Variants in CREB5 observed in about 807,000 individuals in gnomAD.
CREB5 encodes the protein cyclic AMP-responsive element-binding protein 5.
CREB5 carries 19 observed loss-of-function variants against 57.1 expected under a neutral mutation model. The ratio of observed to expected loss-of-function variants is 0.33; its 90% CI spans 0.23 to 0.49. The LOEUF (loss-of-function observed/expected upper bound fraction) is 0.49, where lower values mean the gene tolerates loss of function less well. CREB5 is among the 20% of genes least tolerant of loss of function. CREB5 has a pLI of 0.99. For synonymous variants in CREB5, 238 were observed against 238.3 expected (o/e 1.00, Z 0.01); for missense variants, 579 against 671.6 (o/e 0.86, Z 1.52).
intron 5 of CREB5, among the ~76,000 whole-genome samples, chr7:28,597,633 G>A (rs777232099): frequency 3.8e-4 from 58 of 152,240 alleles, no homozygotes; most frequent in South Asian, 8.3e-4. Flanking sequence ...GATTGAGGTG[G>A]AATTAATGAT....
At chr7:28,655,587 C>T (rs1451459984) in intron 5 of CREB5, among the ~76,000 whole-genome samples, 2 of 152,038 alleles carry the variant, frequency 1.3e-5, no homozygotes, top group Non-Finnish European at 2.9e-5. Context: ...TGCACTCCAG[C>T]CTGAGTGACA....
intron 7 of CREB5, chr7:28,779,315 G>A (rs540154885): frequency 2.0e-5 from 3 of 152,328 alleles, no homozygotes; most frequent in South Asian, 4.1e-4. Context: ...CACAAAGGAA[G>A]TTCACAGTTT....
intron 5 of CREB5, among the ~76,000 whole-genome samples, chr7:28,612,344 G>A (rs1562527089): frequency 6.6e-6 from 1 of 151,792 alleles, no homozygotes; most frequent in Non-Finnish European, 1.5e-5. Context: ...TACAAGCCGT[G>A]GGTCTCTCAT....
intron 2 of CREB5, 63 bp from the exon 3 acceptor site, chr7:28,494,843 A>G: frequency 9.3e-7 from 1 of 1,074,410 alleles, no homozygotes; most frequent in East Asian, 2.6e-5. Context: ...ATAATGGTAA[A>G]TATGTTTTTT....
At chr7:28,597,309 C>T (rs33998128) in intron 5 of CREB5, among the ~76,000 whole-genome samples, 28,781 of 152,102 alleles carry the variant, frequency 0.19, 3,344 homozygotes, top group East Asian at 0.33. Context: ...CTCTCAGGAG[C>T]GACACAAGAG....
intron 4 of CREB5, among the ~76,000 whole-genome samples, chr7:28,542,912 A>G (rs1166894576): frequency 6.6e-6 from 1 of 152,190 alleles, no homozygotes; most frequent in East Asian, 1.9e-4. Flanking sequence ...CCCGTTCCAC[A>G]GTGGTCTCCA....
At chr7:28,435,424 T>C (rs1788921046) in intron 1 of CREB5, among the ~76,000 whole-genome samples, 1 of 144,694 alleles carries the variant, frequency 6.9e-6, no homozygotes, top group Admixed American at 7.2e-5. Flanking sequence ...TTTTGCATAC[T>C]GATAAGAGCT....
chr7:28,316,753 A>T (rs1194717424), intron 1 of CREB5, among the ~76,000 whole-genome samples: 2 of 152,154 alleles, frequency 1.3e-5, no homozygotes, highest in Non-Finnish European at 2.9e-5. Context: ...AGCATGATTG[A>T]GTCAACAGCT....
At chr7:28,409,761 G>A (rs1337586179), upstream of CREB5, 1 of 376,924 alleles carries the variant, frequency 2.7e-6, no homozygotes, top group Non-Finnish European at 5.2e-6. The surrounding 1 kb of genome is among the most constrained non-coding windows in gnomAD (Gnocchi z 4.4). Flanking sequence ...CTCGGTGGCC[G>A]CCGCGCCGCG....
chr7:28,626,662 T>C (rs1407964181), intron 5 of CREB5, among the ~76,000 whole-genome samples: 3 of 152,184 alleles, frequency 2.0e-5, no homozygotes, highest in Non-Finnish European at 4.4e-5. Flanking sequence ...TACTTACTCT[T>C]TTAAACGAGT....
chr7:28,696,853 C>T (rs111066299), intron 5 of CREB5, among the ~76,000 whole-genome samples: 1,814 of 151,480 alleles, frequency 0.012, 36 homozygotes, highest in African/African-American at 0.04. Context: ...TATACACATA[C>T]GTATATGTGT....
intron 4 of CREB5, among the ~76,000 whole-genome samples, chr7:28,517,141 C>G (rs547432439): frequency 1.3e-5 from 2 of 152,180 alleles, no homozygotes; most frequent in African/African-American, 4.8e-5. Flanking sequence ...ATGATAGACT[C>G]AGCATCTGTA....
chr7:28,463,468 A>C (rs1790434625), intron 1 of CREB5, among the ~76,000 whole-genome samples: 1 of 152,218 alleles, frequency 6.6e-6, no homozygotes, highest in Non-Finnish European at 1.5e-5. Context: ...GCAAAGAAGA[A>C]AGCCGGGATT....
chr7:28,514,459 C>A (rs1013125135), intron 4 of CREB5, among the ~76,000 whole-genome samples: 1 of 152,016 alleles, frequency 6.6e-6, no homozygotes, highest in Non-Finnish European at 1.5e-5. Flanking sequence ...GCAGTGGCGC[C>A]ATCTCGGCTC....
intron 5 of CREB5, among the ~76,000 whole-genome samples, chr7:28,639,289 CA>C (rs754817117): frequency 3.3e-4 from 50 of 152,224 alleles, no homozygotes; most frequent in Non-Finnish European, 6.0e-4. Context: ...CAGAACACAA[CA>C]AAACAAAATT....
At chr7:28,315,036 C>G (rs1436773198) in intron 1 of CREB5, among the ~76,000 whole-genome samples, 1 of 152,184 alleles carries the variant, frequency 6.6e-6, no homozygotes, top group Non-Finnish European at 1.5e-5. Context: ...AATCCAAGCC[C>G]TTGAAGTCAG....
Position 28,560,901 on chromosome 7 carries a change from C to CGTGT in CREB5, c.292-9463_292-9462insTGTG, listed in dbSNP as rs1368518820. Among the ~76,000 whole-genome samples, 105 of 21,644 alleles carry CGTGT rather than the reference C, an allele frequency of 4.9e-3. 5 individuals carry two copies. Among genetic ancestry groups the CGTGT allele is most frequent in the East Asian group, 0.02 (7 of 348 alleles). The allele number at this position is 21,644 out of a possible 152,430, so 14.2% of individuals were successfully genotyped here. A position where few individuals can be genotyped will look rare whatever the true frequency, so the allele number is the denominator to read the frequency against. On this transcript the variant is annotated intron_variant, in intron 4 of 10. Coordinates refer to ENST00000357727, the MANE Select transcript of CREB5 (RefSeq NM_182898.4). ...GTGCGTGCGTGCGTGTGTGTGCGTG[C>CGTGT]GCGCGTGCGTGTGCGTGTGTGCGCG...
In CREB5 at chr7:28,689,894, A is replaced by AT. The variant is rs370887403; in HGVS notation, c.465-28855dup. On this transcript the variant is annotated intron_variant, in intron 5 of 10. Coordinates refer to ENST00000357727, the MANE Select transcript of CREB5 (RefSeq NM_182898.4). ...AAGTTTATGGGCTGTGAATTCTCCC[A>AT]TTTTACTTGTATTTGGTGTGTGTGT... Among the ~76,000 whole-genome samples, 459 of 134,076 alleles carry AT rather than the reference A, an allele frequency of 3.4e-3. 2 individuals are homozygous for AT. Among genetic ancestry groups the AT allele is most frequent in the African/African-American group, 0.013 (429 of 32,514 alleles). 88.0% of individuals were successfully genotyped at this position (134,076 alleles called of 152,430 possible).
At chr7:28,740,722 C>T (rs1433654323) in intron 7 of CREB5, among the ~76,000 whole-genome samples, 1 of 152,144 alleles carries the variant, frequency 6.6e-6, no homozygotes, top group African/African-American at 2.4e-5. Flanking sequence ...CTTGCGTCTT[C>T]GTTCTTTTCC....
Sources: allele counts gnomAD v4.1 joint callset (sites outside exome capture counted in the v4.1 genomes callset), GRCh38; gene constraint gnomAD v4.1.1; non-coding constraint Gnocchi (gnomAD v3.1); transcripts MANE v1.5; gene names NCBI Gene and HGNC (gene_info 2026-07-23, HGNC 2026-07-21).